The following PLEKHM3 variants were observed in gnomAD, a reference collection of about 807,000 sequenced individuals.
PLEKHM3 encodes pleckstrin homology domain-containing family M member 3.
In PLEKHM3, 45 loss-of-function variants were observed where a neutral mutation model predicts 81.8. The observed-to-expected ratio is 0.55, with a 90% CI of 0.43 to 0.71. PLEKHM3 has a LOEUF of 0.71. PLEKHM3 is among the 30% of genes least tolerant of loss of function. The pLI is 0.00. For missense variants in PLEKHM3, 788 were observed against 924.3 expected (o/e 0.85, Z 1.91); for synonymous variants, 352 against 356.4 (o/e 0.99, Z 0.14).
chr2:207,999,393 T>C lies in PLEKHM3; in HGVS notation c.610+1637A>G, dbSNP rs898303577. Among the ~76,000 whole-genome samples the C allele has an allele frequency of 4.6e-5, 7 of 152,028 alleles. No homozygotes were observed. In the East Asian group the frequency reaches 9.7e-4, roughly 21 times the overall value. On this transcript the variant is annotated intron_variant, in intron 2 of 7. Coordinates refer to ENST00000427836, the MANE Select transcript of PLEKHM3 (RefSeq NM_001080475.3). ...TACTTGGGTGGCTGAAATGGAAGGA[T>C]TGCTTGAGCACAGGAACTCAAGACC... is the stretch of plus-strand genomic sequence containing the variant.
At chr2:207,905,015 A>AT (rs1253068673) in intron 6 of PLEKHM3, among the ~76,000 whole-genome samples, 3 of 152,062 alleles carry the variant, frequency 2.0e-5, no homozygotes, top group East Asian at 1.9e-4. Context: ...ATTCTTACCT[A>AT]TTTTTTTTCT....
intron 5 of PLEKHM3, among the ~76,000 whole-genome samples, chr2:207,927,987 T>C (rs1689459097): frequency 6.6e-6 from 1 of 152,156 alleles, no homozygotes; most frequent in African/African-American, 2.4e-5. Context: ...TTTAATTAAA[T>C]TTTTTAATAA....
chr2:207,943,368 G>A (rs578140962), intron 4 of PLEKHM3, among the ~76,000 whole-genome samples: 6 of 152,226 alleles, frequency 3.9e-5, no homozygotes, highest in African/African-American at 1.4e-4. Context: ...TTGCACAGAA[G>A]GTACATTCAA....
chr2:207,996,753 C>G (rs915282319), intron 2 of PLEKHM3, among the ~76,000 whole-genome samples: 2 of 151,908 alleles, frequency 1.3e-5, no homozygotes, highest in African/African-American at 4.8e-5. Context: ...CAATTCATTT[C>G]AAGAAATATT....
intron 6 of PLEKHM3, among the ~76,000 whole-genome samples, chr2:207,905,322 A>C (rs1331603775): frequency 6.6e-6 from 1 of 152,220 alleles, no homozygotes; most frequent in African/African-American, 2.4e-5. Flanking sequence ...AATTTACTCT[A>C]AAACGCCTGA....
At chr2:207,989,886 G>C (rs1371508793) in intron 2 of PLEKHM3, among the ~76,000 whole-genome samples, 1 of 152,200 alleles carries the variant, frequency 6.6e-6, no homozygotes, top group Non-Finnish European at 1.5e-5. Flanking sequence ...GATAGCCAGA[G>C]GCCTCCCCTC....
At chr2:208,017,288 G>T (rs1692954474) in intron 1 of PLEKHM3, among the ~76,000 whole-genome samples, 1 of 152,194 alleles carries the variant, frequency 6.6e-6, no homozygotes, top group African/African-American at 2.4e-5. Flanking sequence ...GAACTCCAAA[G>T]CAGTGTACAG....
rs1016691667 is a variant in PLEKHM3, at chr2:207,843,861, A to G, written c.2109-15365T>C. 6.6e-6 allele frequency among the ~76,000 whole-genome samples: 1 copy of G among 152,110 alleles called. No individual in the cohort carries two copies. Among genetic ancestry groups the G allele is most frequent in the Non-Finnish European group, 1.5e-5 (1 of 68,016 alleles). ...TCCCAGCAATTTGGGAGGCCAGGGCAGGAGGATTGCTTGAGCCCAGGAGCT... is the reference window on the plus strand; with the variant it reads ...TCCCAGCAATTTGGGAGGCCAGGGCGGGAGGATTGCTTGAGCCCAGGAGCT... On this transcript the variant is annotated intron_variant, in intron 7 of 7. Coordinates refer to ENST00000427836, the MANE Select transcript of PLEKHM3 (RefSeq NM_001080475.3). The surrounding 1 kb of genome is among the most constrained non-coding windows in gnomAD (Gnocchi z 4.4).
At chr2:207,873,984 T>C (rs1347962262) in intron 6 of PLEKHM3, among the ~76,000 whole-genome samples, 1 of 152,204 alleles carries the variant, frequency 6.6e-6, no homozygotes, top group African/African-American at 2.4e-5. Flanking sequence ...TGTATATCAT[T>C]GTCTAAGATG....
intron 1 of PLEKHM3, among the ~76,000 whole-genome samples, chr2:208,022,097 T>C (rs577822251): frequency 1.3e-5 from 2 of 152,334 alleles, no homozygotes; most frequent in South Asian, 4.1e-4. Context: ...CATTGAGGCT[T>C]TTCATACATT....
At chr2:207,857,755 C>T (rs2092443686) in intron 7 of PLEKHM3, among the ~76,000 whole-genome samples, 1 of 151,954 alleles carries the variant, frequency 6.6e-6, no homozygotes, top group South Asian at 2.1e-4. Flanking sequence ...ATCAGGGTAG[C>T]TAAAAGGTTG....
At chr2:207,888,376 C>CA (rs1167538838) in intron 6 of PLEKHM3, among the ~76,000 whole-genome samples, 1 of 151,896 alleles carries the variant, frequency 6.6e-6, no homozygotes, top group South Asian at 2.1e-4. Flanking sequence ...CACACACACA[C>CA]ACTTGGATAA....
intron 3 of PLEKHM3, among the ~76,000 whole-genome samples, chr2:207,963,651 CATG>C (rs992222183): frequency 1.3e-5 from 2 of 152,080 alleles, no homozygotes; most frequent in Non-Finnish European, 2.9e-5. Flanking sequence ...AAAAATTAGG[CATG>C]ATATTAGGAT....
rs904380791 is a variant in PLEKHM3, at chr2:208,019,414, T to G, written c.-319+5975A>C. Reference sequence around the variant, plus strand: ...TCACCCTCATCTTCTTTATCAACACTGTCCCCTCCTTACCTCCCACCCACA... The same window carrying G: ...TCACCCTCATCTTCTTTATCAACACGGTCCCCTCCTTACCTCCCACCCACA... On this transcript the variant is annotated intron_variant, in intron 1 of 7. Coordinates refer to ENST00000427836, the MANE Select transcript of PLEKHM3 (RefSeq NM_001080475.3). Among the ~76,000 whole-genome samples, 48 of 152,076 alleles carry G rather than the reference T, an allele frequency of 3.2e-4. 3 individuals carry two copies. Among genetic ancestry groups the G allele is most frequent in the Non-Finnish European group, 2.9e-5 (2 of 68,010 alleles).
chr2:207,986,153 C>T (rs1458560034), intron 2 of PLEKHM3, among the ~76,000 whole-genome samples: 2 of 152,114 alleles, frequency 1.3e-5, no homozygotes, highest in South Asian at 2.1e-4. Context: ...CAAAGTGCAA[C>T]ATTTTAATGT....
At chr2:207,997,438 G>A (rs1363706427) in intron 2 of PLEKHM3, among the ~76,000 whole-genome samples, 2 of 152,124 alleles carry the variant, frequency 1.3e-5, no homozygotes, top group African/African-American at 2.4e-5. Context: ...CTTCCAATAA[G>A]GCTTTAAGCT....
At chr2:207,913,932 A>C (rs998625666) in intron 5 of PLEKHM3, among the ~76,000 whole-genome samples, 3 of 151,208 alleles carry the variant, frequency 2.0e-5, no homozygotes, top group African/African-American at 4.9e-5. Flanking sequence ...CGTGCATGAA[A>C]ACACACACAC....
chr2:208,001,156 C>A lies in PLEKHM3; in HGVS notation c.484G>T (p.Val162Phe). 1.2e-6 allele frequency: 2 copies of A among 1,613,614 alleles called. No individual in the cohort carries two copies. The highest frequency in any genetic ancestry group is 1.7e-6 in the Non-Finnish European group (2 of 1,179,774). ...TGCTGCAAAGGCGTGGTTTTGAGGA[C>A]TACCCTCCAGTCCACTTGGGTAATA... ...SDITQVDWRVVLKTTPLQQQQ... is the reference protein window; with the variant it reads ...SDITQVDWRVFLKTTPLQQQQ... Residue 162 changes from valine (V) to phenylalanine (F), a missense_variant, in exon 2 of 8, where the codon GTC becomes TTC. Transcript: ENST00000427836.
intron 7 of PLEKHM3, chr2:207,851,853 G>C (rs1449031661): frequency 6.6e-6 from 1 of 152,052 alleles, no homozygotes; most frequent in Non-Finnish European, 1.5e-5. Flanking sequence ...AACAAACAGG[G>C]GTTTGCCTAT....
Sources: allele counts gnomAD v4.1 joint callset (sites outside exome capture counted in the v4.1 genomes callset), GRCh38; gene constraint gnomAD v4.1.1; non-coding constraint Gnocchi (gnomAD v3.1); transcripts MANE v1.5; gene names NCBI Gene and HGNC (gene_info 2026-07-23, HGNC 2026-07-21).